Variants in WWC1 observed in about 807,000 individuals in gnomAD.
WWC1 encodes the protein WW and C2 domain containing 1.
WWC1 carries 55 observed loss-of-function variants against 138.4 expected under a neutral mutation model. The observed-to-expected ratio is 0.40, with a 90% CI of 0.32 to 0.50. WWC1 has a LOEUF of 0.50. Among genes scored for constraint, WWC1 ranks in the 20% least tolerant of loss-of-function variants. WWC1 has a pLI of 0.72. For missense variants in WWC1, 1,226 were observed against 1,420.4 expected (o/e 0.86, Z 2.20); for synonymous variants, 524 against 564.9 (o/e 0.93, Z 1.03).
intron 1 of WWC1, among the ~76,000 whole-genome samples, chr5:168,355,271 A>T (rs578211709): frequency 6.7e-6 from 1 of 148,194 alleles, no homozygotes; most frequent in South Asian, 2.1e-4. Context: ...AGGTGGGCGG[A>T]TCACCTGAGG....
chr5:168,465,113 C>A, intron 21 of WWC1, 151 bp downstream of exon 21: 1 of 1,238,470 alleles, frequency 8.1e-7, no homozygotes, highest in Non-Finnish European at 1.1e-6. Context: ...CCCTCGTTCC[C>A]ATCAGGAGAG....
intron 13 of WWC1, 95 bp downstream of exon 13, chr5:168,428,882 C>A: frequency 7.3e-7 from 1 of 1,372,710 alleles, no homozygotes; most frequent in Non-Finnish European, 1.0e-6. Flanking sequence ...CACAGCCGCC[C>A]AGGGTGGAAG....
intron 1 of WWC1, among the ~76,000 whole-genome samples, chr5:168,319,483 G>T (rs1380315931): frequency 2.0e-5 from 3 of 152,208 alleles, no homozygotes; most frequent in African/African-American, 7.2e-5. Context: ...TACATACCCA[G>T]AAGGAGAATT....
intron 1 of WWC1, among the ~76,000 whole-genome samples, chr5:168,309,131 TC>T (rs1229866212): frequency 6.6e-6 from 1 of 152,086 alleles, no homozygotes; most frequent in African/African-American, 2.4e-5. Flanking sequence ...TGCTCCCAAC[TC>T]CCTTCCTTTA....
At chr5:168,350,918 G>A (rs186782865) in intron 1 of WWC1, among the ~76,000 whole-genome samples, 1 of 152,234 alleles carries the variant, frequency 6.6e-6, no homozygotes, top group East Asian at 1.9e-4. Context: ...GGCCGAGGCG[G>A]GCGGATCATT....
chr5:168,336,788 G>A (rs1019214443), intron 1 of WWC1, among the ~76,000 whole-genome samples: 1 of 152,144 alleles, frequency 6.6e-6, no homozygotes, highest in Non-Finnish European at 1.5e-5. Flanking sequence ...ATACAGGACA[G>A]TTAGAGTTAA....
At chr5:168,318,784 T>C (rs188091927) in intron 1 of WWC1, among the ~76,000 whole-genome samples, 58 of 152,242 alleles carry the variant, frequency 3.8e-4, no homozygotes, top group African/African-American at 1.3e-3. Flanking sequence ...GGTCTCAAAC[T>C]TCTAACCTCA....
chr5:168,417,018 C>A (rs1464000870), intron 9 of WWC1, among the ~76,000 whole-genome samples: 1 of 152,058 alleles, frequency 6.6e-6, no homozygotes, highest in African/African-American at 2.4e-5. Context: ...CAAGTGTGCA[C>A]CACCACACCC....
intron 3 of WWC1, among the ~76,000 whole-genome samples, chr5:168,388,257 A>G (rs1046759324): frequency 6.6e-6 from 1 of 151,980 alleles, no homozygotes. Context: ...CAAATCCATA[A>G]TATGGATTAT....
At chr5:168,348,690 G>T (rs901635763) in intron 1 of WWC1, among the ~76,000 whole-genome samples, 1 of 152,206 alleles carries the variant, frequency 6.6e-6, no homozygotes, top group African/African-American at 2.4e-5. Flanking sequence ...GGCAGGGTCT[G>T]CTGGAGAAAT....
At chr5:168,435,814 C>T (rs1782305127) in intron 15 of WWC1, among the ~76,000 whole-genome samples, 1 of 152,082 alleles carries the variant, frequency 6.6e-6, no homozygotes, top group Non-Finnish European at 1.5e-5. Context: ...CTCTGTAACC[C>T]AATCCATGTG....
At chr5:168,380,419 C>T (rs1193624206) in intron 2 of WWC1, among the ~76,000 whole-genome samples, 1 of 152,042 alleles carries the variant, frequency 6.6e-6, no homozygotes, top group Non-Finnish European at 1.5e-5. Flanking sequence ...CCAGCCTGGA[C>T]AGCATAGTGA....
At chr5:168,450,711 C>T (rs1461952066) in intron 17 of WWC1, among the ~76,000 whole-genome samples, 1 of 151,998 alleles carries the variant, frequency 6.6e-6, no homozygotes, top group Non-Finnish European at 1.5e-5. Context: ...TAGAGCTACA[C>T]ATAAAACCTG....
In WWC1 at chr5:168,437,889, C is replaced by T. The variant is rs74846020; in HGVS notation, c.2281-3793C>T. Among the ~76,000 whole-genome samples the T allele has an allele frequency of 5.2e-3, 799 of 152,254 alleles. 6 individuals carry two copies. Among genetic ancestry groups the T allele is most frequent in the African/African-American group, 0.019 (776 of 41,534 alleles). ...TCTATCCCCCTAGGAAACCACGAGA[C>T]CCGTTTTGGGGAAGAATCATGTCTT... is the stretch of plus-strand genomic sequence containing the variant. On this transcript the variant is annotated intron_variant, in intron 15 of 22. Coordinates refer to ENST00000265293, the MANE Select transcript of WWC1 (RefSeq NM_015238.3).
intron 9 of WWC1, among the ~76,000 whole-genome samples, chr5:168,418,506 C>T (rs1780834758): frequency 6.6e-6 from 1 of 152,154 alleles, no homozygotes; most frequent in South Asian, 2.1e-4. Flanking sequence ...CGTTCTTGGC[C>T]TCCCAGCGTG....
chr5:168,346,025 C>T (rs1336304285), intron 1 of WWC1, among the ~76,000 whole-genome samples: 1 of 152,042 alleles, frequency 6.6e-6, no homozygotes, highest in Non-Finnish European at 1.5e-5. Flanking sequence ...CCAACACCAC[C>T]AGGGCAGGGA....
At chr5:168,321,148 C>T (rs1311350169) in intron 1 of WWC1, among the ~76,000 whole-genome samples, 2 of 152,140 alleles carry the variant, frequency 1.3e-5, no homozygotes, top group Non-Finnish European at 2.9e-5. Context: ...TAGGACATCC[C>T]CCTCATCCCA....
chr5:168,447,836 T>G (rs1582335498), intron 17 of WWC1, among the ~76,000 whole-genome samples: 1 of 151,938 alleles, frequency 6.6e-6, no homozygotes, highest in East Asian at 1.9e-4. Flanking sequence ...CCTGGCCATC[T>G]CCCTCTCTCT....
chr5:168,444,009 A>G (rs1212986104), intron 16 of WWC1, among the ~76,000 whole-genome samples: 2 of 152,242 alleles, frequency 1.3e-5, no homozygotes, highest in Non-Finnish European at 2.9e-5. Context: ...TTTTCACTGT[A>G]GATACCATTC....
Sources: allele counts gnomAD v4.1 joint callset (sites outside exome capture counted in the v4.1 genomes callset), GRCh38; gene constraint gnomAD v4.1.1; transcripts MANE v1.5; gene names NCBI Gene and HGNC (gene_info 2026-07-23, HGNC 2026-07-21).